Variants in ATP8A2 observed in about 807,000 individuals in gnomAD.
The protein encoded by ATP8A2 is ATPase phospholipid transporting 8A2.
A neutral mutation model predicts 165.6 loss-of-function variants in ATP8A2; 100 were observed. The ratio of observed to expected loss-of-function variants is 0.60; its 90% confidence interval spans 0.51 to 0.71. ATP8A2 has a LOEUF of 0.71. Ranked by LOEUF, ATP8A2 falls within the 30% of genes least tolerant of loss-of-function variation. The probability of loss-of-function intolerance (pLI) is 0.00; values close to 1 mark genes in which losing one functional copy is unlikely to be tolerated. For missense variants in ATP8A2, 1,227 were observed against 1,479.5 expected, an observed-to-expected ratio of 0.83 and a Z score of 2.80; for synonymous variants, 543 against 548.8, an observed-to-expected ratio of 0.99 and a Z score of 0.15.
Position 25,581,969 on chromosome 13 carries a change from T to A in ATP8A2, c.2146+12T>A, listed in dbSNP as rs1213442624. The A allele has an allele frequency of 6.3e-7, 1 of 1,594,958 alleles. No homozygotes were observed. Among genetic ancestry groups the A allele is most frequent in the Non-Finnish European group, 8.5e-7 (1 of 1,172,490 alleles). ...TGCGATTAATATAGGTAATTATTTT[T>A]ACAAATAATTTCCTGATGCTGGGTT... is the stretch of plus-strand genomic sequence containing the variant. On this transcript the variant is annotated intron_variant, in intron 23 of 36. Coordinates refer to ENST00000381655, the MANE Select transcript of ATP8A2 (RefSeq NM_016529.6).
At chr13:25,865,867 C>G (rs187468037) in intron 33 of ATP8A2, among the ~76,000 whole-genome samples, 3 of 152,306 alleles carry the variant, frequency 2.0e-5, no homozygotes, top group East Asian at 3.9e-4. Context: ...TAGGTTGTGT[C>G]TATCCTGGGG....
At chr13:25,591,512 A>G (rs2040077393) in intron 24 of ATP8A2, 1 of 378,062 alleles carries the variant, frequency 2.6e-6, no homozygotes, top group African/African-American at 2.1e-5. Context: ...GCTGATTAAT[A>G]TTCCATTGCA....
chr13:25,860,236 G>T lies in ATP8A2; in HGVS notation c.2998G>T (p.Val1000Phe). 1.9e-6 allele frequency: 3 copies of T among 1,611,272 alleles called. No homozygotes were observed. The highest frequency in any genetic ancestry group is 2.5e-6 in the Non-Finnish European group (3 of 1,177,826). ...TGGTCATGCTACCGACTATTTATTTGTTGGAAATATTGTTTACACAGTAAG... is the reference window on the plus strand; with the variant it reads ...TGGTCATGCTACCGACTATTTATTTTTTGGAAATATTGTTTACACAGTAAG... ...TSGHATDYLF[V>F]GNIVYTYVVV... Residue 1000 changes from valine (V) to phenylalanine (F), a missense_variant, in exon 31 of 37, where the codon GTT becomes TTT. Physicochemically the swap from Val to Phe is conservative, Grantham distance 50. Transcript: ENST00000381655.
chr13:25,450,554 C>T (rs545152715), intron 1 of ATP8A2, among the ~76,000 whole-genome samples: 28 of 151,438 alleles, frequency 1.8e-4, no homozygotes, highest in Non-Finnish European at 2.8e-4. Context: ...GTGTGTGAGA[C>T]GGAGTCTCGC....
intron 1 of ATP8A2, among the ~76,000 whole-genome samples, chr13:25,458,175 G>A (rs527966769): frequency 1.4e-4 from 22 of 152,302 alleles, no homozygotes; most frequent in Admixed American, 1.1e-3. Flanking sequence ...CGTGTTCATC[G>A]TATGTCTTTC....
At chr13:25,986,083 G>A (rs1956275926) in intron 35 of ATP8A2, among the ~76,000 whole-genome samples, 1 of 152,000 alleles carries the variant, frequency 6.6e-6, no homozygotes, top group Admixed American at 6.5e-5. Flanking sequence ...GCTTCATTGA[G>A]GTATAATTGA....
chr13:25,999,333 T>TAGAAA (rs1322281287), intron 35 of ATP8A2, among the ~76,000 whole-genome samples: 1 of 152,098 alleles, frequency 6.6e-6, no homozygotes, highest in African/African-American at 2.4e-5. Context: ...ACAAGCTGAG[T>TAGAAA]CCAAAGTTGC....
At position 25,703,890 on chromosome 13, in the gene ATP8A2, T is replaced by C. The variant is rs140617034; in HGVS notation, c.2384+4545T>C. 4.0e-4 allele frequency among the ~76,000 whole-genome samples: 61 copies of C among 152,282 alleles called. 1 individual carries two copies. The highest frequency in any genetic ancestry group is 1.4e-3 in the African/African-American group (58 of 41,560). ...GGATAATTGTACAACATTGTGACCA[T>C]ACTAAATTCCACTCAATTGAAAATG... On this transcript the variant is annotated intron_variant, in intron 25 of 36. Coordinates refer to ENST00000381655, the MANE Select transcript of ATP8A2 (RefSeq NM_016529.6).
intron 1 of ATP8A2, among the ~76,000 whole-genome samples, chr13:25,401,395 T>C (rs1242966202): frequency 1.3e-5 from 2 of 152,118 alleles, no homozygotes; most frequent in African/African-American, 2.4e-5. Flanking sequence ...ATCAATCGAG[T>C]TATAAATTGA....
intron 24 of ATP8A2, among the ~76,000 whole-genome samples, chr13:25,591,890 A>T (rs944303781): frequency 2.0e-5 from 3 of 152,116 alleles, no homozygotes; most frequent in Non-Finnish European, 1.5e-5. Context: ...ATTTTTGGGG[A>T]CATATACCCA....
At chr13:25,991,282 T>C (rs1432103907) in intron 35 of ATP8A2, among the ~76,000 whole-genome samples, 4 of 152,196 alleles carry the variant, frequency 2.6e-5, no homozygotes, top group African/African-American at 9.6e-5. Flanking sequence ...TATTTGGAGA[T>C]AATTGTGGCT....
chr13:25,574,957 C>A, intron 19 of ATP8A2, 100 bp downstream of exon 19: 2 of 616,154 alleles, frequency 3.2e-6, no homozygotes, highest in Non-Finnish European at 5.6e-6. Context: ...CAATATATTA[C>A]TTAAGTATTA....
intron 33 of ATP8A2, among the ~76,000 whole-genome samples, chr13:25,894,618 C>A (rs1178291141): frequency 6.6e-6 from 1 of 152,142 alleles, no homozygotes; most frequent in African/African-American, 2.4e-5. Flanking sequence ...CTATAAATTA[C>A]CTTGGGCAGT....
intron 27 of ATP8A2, among the ~76,000 whole-genome samples, chr13:25,786,775 A>T (rs1222224147): frequency 4.6e-4 from 42 of 91,070 alleles, no homozygotes; most frequent in South Asian, 9.0e-4. Flanking sequence ...TTTTTTTTTG[A>T]GACAGAGTTT....
chr13:25,528,661 C>CT (rs201455323), intron 2 of ATP8A2, among the ~76,000 whole-genome samples: 1,953 of 151,998 alleles, frequency 0.013, 19 homozygotes, highest in Middle Eastern at 0.065. Context: ...GCTAGATAAT[C>CT]TTTTTTTTAT....
chr13:25,842,487 C>T (rs1342454645), intron 30 of ATP8A2, among the ~76,000 whole-genome samples: 2 of 152,076 alleles, frequency 1.3e-5, no homozygotes, highest in Non-Finnish European at 2.9e-5. Flanking sequence ...GCCTGGCCAA[C>T]ATGGTAAAAC....
chr13:25,375,868 C>T (rs2137903982), intron 1 of ATP8A2, among the ~76,000 whole-genome samples: 2 of 152,190 alleles, frequency 1.3e-5, no homozygotes, highest in Middle Eastern at 3.4e-3. Context: ...ACCGTTTGGA[C>T]CAGGACTACA....
chr13:25,532,692 G>T (rs983139081), intron 5 of ATP8A2, among the ~76,000 whole-genome samples: 1 of 151,812 alleles, frequency 6.6e-6, no homozygotes. Flanking sequence ...TTGAGACAGG[G>T]TCTCACTCCT....
chr13:25,860,530 C>T (rs1952316767), intron 31 of ATP8A2, among the ~76,000 whole-genome samples: 1 of 152,148 alleles, frequency 6.6e-6, no homozygotes, highest in African/African-American at 2.4e-5. Flanking sequence ...GAAAACAACA[C>T]TCAGGAAGGT....
Sources: allele counts gnomAD v4.1 joint callset (sites outside exome capture counted in the v4.1 genomes callset), GRCh38; gene constraint gnomAD v4.1.1; transcripts MANE v1.5; gene names NCBI Gene and HGNC (gene_info 2026-07-23, HGNC 2026-07-21).